The following ADCY1 variants were observed in gnomAD, a reference collection of about 807,000 sequenced individuals.
ADCY1 encodes the protein adenylate cyclase 1.
Under a neutral mutation model 105.4 loss-of-function variants are expected in ADCY1, and 28 were observed. The ratio of observed to expected loss-of-function variants is 0.27; its 90% CI spans 0.20 to 0.36. The LOEUF (loss-of-function observed/expected upper bound fraction) is 0.36, where lower values mean the gene tolerates loss of function less well. Ranked by LOEUF, ADCY1 falls within the 10% of genes least tolerant of loss-of-function variation. The pLI is 1.00. For synonymous variants in ADCY1, 655 were observed against 623.8 expected (o/e 1.05, Z -0.75); for missense variants, 977 against 1,434.2 (o/e 0.68, Z 5.15).
chr7:45,711,946 CATATT>C (rs1272552560), intron 19 of ADCY1, among the ~76,000 whole-genome samples: 2 of 47,684 alleles, frequency 4.2e-5, no homozygotes, highest in African/African-American at 1.9e-4. Context: ...TATATAAATA[CATATT>C]ATATTAAATA....
chr7:45,582,114 A>G (rs769128731), intron 1 of ADCY1, among the ~76,000 whole-genome samples: 5 of 152,014 alleles, frequency 3.3e-5, no homozygotes, highest in African/African-American at 4.8e-5. Flanking sequence ...AGATTCACAC[A>G]CTCACAAAGC....
chr7:45,586,599 G>A (rs1360010567), intron 1 of ADCY1, among the ~76,000 whole-genome samples: 1 of 152,114 alleles, frequency 6.6e-6, no homozygotes, highest in East Asian at 1.9e-4. Flanking sequence ...AAGCAATTAC[G>A]TTAATTTAAA....
In ADCY1 at chr7:45,591,986, C is replaced by T. The variant is rs993813027; in HGVS notation, c.640-773C>T. ...TGCAGAGACCGGGCTCTGGACACTG[C>T]GTTTCCCCATCTTGTGCTGGTGCTC... On this transcript the variant is annotated intron_variant, in intron 1 of 19. Transcript: ENST00000297323. The surrounding 1 kb of genome is among the most constrained non-coding windows in gnomAD (Gnocchi z 4.1). Among the ~76,000 whole-genome samples, 23 of 151,804 alleles carry T rather than the reference C, an allele frequency of 1.5e-4. No individual in the cohort carries two copies. The highest frequency in any genetic ancestry group is 4.1e-4 in the African/African-American group (17 of 41,350).
chr7:45,702,839 G>A (rs1425154785), intron 14 of ADCY1, among the ~76,000 whole-genome samples: 1 of 152,218 alleles, frequency 6.6e-6, no homozygotes, highest in Non-Finnish European at 1.5e-5. Flanking sequence ...TGAGCTCATT[G>A]GCCCTGGATC....
At chr7:45,691,545 C>G (rs7792675) in intron 14 of ADCY1, among the ~76,000 whole-genome samples, 1 of 152,184 alleles carries the variant, frequency 6.6e-6, no homozygotes, top group African/African-American at 2.4e-5. Context: ...AACAGATAGG[C>G]TTTTCCCTTG....
At chr7:45,684,859 C>A in intron 11 of ADCY1, 120 bp from the exon 12 acceptor site, 1 of 788,882 alleles carries the variant, frequency 1.3e-6, no homozygotes, top group South Asian at 1.9e-5. Flanking sequence ...GGGTGAAAAA[C>A]GGATGTGGAC....
Position 45,704,755 on chromosome 7 carries a change from T to C in ADCY1, c.2817+139T>C, listed in dbSNP as rs113898423. 64 of 675,134 alleles carry C rather than the reference T, an allele frequency of 9.5e-5. No individual in the cohort carries two copies. The African/African-American group carries it at 1.1e-3, about 11-fold the overall frequency. The allele number at this position is 675,134 out of a possible 1,614,324, so 41.8% of individuals were successfully genotyped here. A position where few individuals can be genotyped will look rare whatever the true frequency, so the allele number is the denominator to read the frequency against. On this transcript the variant is annotated intron_variant, in intron 17 of 19. Coordinates refer to ENST00000297323, the MANE Select transcript of ADCY1 (RefSeq NM_021116.4). ...TACAGGAGCAGCTTGAGTGCTGTTT[T>C]TGTCCGTGGCTGGCTCTCTCCAGAC...
At chr7:45,664,904 A>G (rs1358005403) in intron 8 of ADCY1, among the ~76,000 whole-genome samples, 1 of 152,006 alleles carries the variant, frequency 6.6e-6, no homozygotes, top group Non-Finnish European at 1.5e-5. Flanking sequence ...TGCATTAGGT[A>G]TTTGTCCTAA....
intron 2 of ADCY1, among the ~76,000 whole-genome samples, chr7:45,595,856 G>A (rs773364021): frequency 1.3e-5 from 2 of 152,126 alleles, no homozygotes; most frequent in Non-Finnish European, 2.9e-5. Flanking sequence ...TTTTTCTGTC[G>A]ATTCCCTTTG....
chr7:45,705,470 A>G (rs1785098266), intron 17 of ADCY1, among the ~76,000 whole-genome samples: 1 of 152,232 alleles, frequency 6.6e-6, no homozygotes, highest in African/African-American at 2.4e-5. Context: ...AAGAAGAAAA[A>G]TTATATAATC....
chr7:45,623,473 A>C (rs1793962158), intron 4 of ADCY1, among the ~76,000 whole-genome samples: 1 of 152,088 alleles, frequency 6.6e-6, no homozygotes, highest in South Asian at 2.1e-4. Flanking sequence ...TTTCTCCCCC[A>C]CAGAATGTGC....
chr7:45,678,986 T>G (rs1451605342), intron 10 of ADCY1, among the ~76,000 whole-genome samples: 2 of 152,056 alleles, frequency 1.3e-5, no homozygotes, highest in African/African-American at 4.8e-5. Context: ...AAACTTAAAA[T>G]CCCTCTTAAA....
chr7:45,708,381 C>T lies in ADCY1; in HGVS notation c.2849C>T (p.Thr950Met), dbSNP rs368928291. 3.9e-5 allele frequency: 63 copies of T among 1,614,080 alleles called. No individual in the cohort carries two copies. Among genetic ancestry groups the T allele is most frequent in the South Asian group, 1.2e-4 (11 of 91,084 alleles). Residue 950 changes from threonine to methionine, a missense_variant, in exon 18 of 20, where the codon ACG becomes ATG. Transcript: ENST00000297323. This position sits in a 1 kb window ranked among gnomAD's most constrained non-coding sequence, Gnocchi z 4.7. ...AKKSISSHLS[T>M]LADFAIEMFD... ...AAGTCCATCTCCTCCCACCTGAGCA[C>T]GCTGGCGGACTTTGCCATTGAGATG...
At chr7:45,633,630 C>G (rs576814450) in intron 4 of ADCY1, among the ~76,000 whole-genome samples, 10 of 152,042 alleles carry the variant, frequency 6.6e-5, no homozygotes, top group Middle Eastern at 3.4e-3. Flanking sequence ...GGTGAAACCC[C>G]GTCTCTACTA....
chr7:45,628,499 CA>C (rs773324911), intron 4 of ADCY1, among the ~76,000 whole-genome samples: 5 of 152,130 alleles, frequency 3.3e-5, no homozygotes, highest in Admixed American at 6.5e-5. Flanking sequence ...CAGACTCTAT[CA>C]GGGGTGGAGG....
At chr7:45,632,129 T>C (rs985022919) in intron 4 of ADCY1, among the ~76,000 whole-genome samples, 1 of 152,218 alleles carries the variant, frequency 6.6e-6, no homozygotes, top group African/African-American at 2.4e-5. Flanking sequence ...TGTCCATATG[T>C]AGTTGAATGT....
In ADCY1 at chr7:45,679,707, A is replaced by G. The variant is rs1484020948; in HGVS notation, c.1899-2A>G. ...GTGACTCTCATGTTTTCTGTCCCCCAGGAGTGTGGTCGTCCTGCTCCTGCT... is the reference window on the plus strand; with the variant it reads ...GTGACTCTCATGTTTTCTGTCCCCCGGGAGTGTGGTCGTCCTGCTCCTGCT... On this transcript the variant is annotated splice_acceptor_variant, in intron 10 of 19. Coordinates refer to ENST00000297323, the MANE Select transcript of ADCY1 (RefSeq NM_021116.4). LOFTEE classifies it high-confidence loss of function. 1 of 1,614,156 alleles carries G rather than the reference A, an allele frequency of 6.2e-7. No individual in the cohort carries two copies. Among genetic ancestry groups the G allele is most frequent in the Non-Finnish European group, 8.5e-7 (1 of 1,180,008 alleles).
intron 5 of ADCY1, among the ~76,000 whole-genome samples, chr7:45,655,774 G>A (rs1286379992): frequency 6.6e-6 from 1 of 152,190 alleles, no homozygotes; most frequent in Non-Finnish European, 1.5e-5. Flanking sequence ...GGGGATGAAG[G>A]TGGGCATGGG....
intron 2 of ADCY1, 30 bp downstream of exon 2, chr7:45,592,938 G>A (rs760384440): frequency 2.1e-5 from 34 of 1,611,848 alleles, no homozygotes; most frequent in Non-Finnish European, 2.9e-5. Context: ...CAGCCTAGAG[G>A]GGTTGGCTGT....
Sources: gnomAD v4.1 joint callset for allele counts (sites outside exome capture counted in the v4.1 genomes callset) on GRCh38, gnomAD v4.1.1 for gene constraint, Gnocchi (gnomAD v3.1) non-coding constraint, MANE v1.5 for transcripts, NCBI Gene and HGNC (gene_info 2026-07-23, HGNC 2026-07-21) for gene names.